Variants in PCDH10 observed in about 807,000 individuals in gnomAD.
PCDH10 encodes the protein protocadherin 10.
PCDH10 carries 15 observed loss-of-function variants against 74.4 expected under a neutral mutation model. The ratio of observed to expected loss-of-function variants is 0.20; its 90% confidence interval spans 0.13 to 0.31. The LOEUF (loss-of-function observed/expected upper bound fraction) is 0.31, where lower values mean the gene tolerates loss of function less well. PCDH10 is among the 10% of genes least tolerant of loss of function. PCDH10 has a pLI of 1.00. For missense variants in PCDH10, 1,260 were observed against 1,390.2 expected, an observed-to-expected ratio of 0.91 and a Z score of 1.49; for synonymous variants, 619 against 589.8, an observed-to-expected ratio of 1.05 and a Z score of -0.72.
chr4:133,171,148 TCC>T (rs1362667829), intron 4 of PCDH10, among the ~76,000 whole-genome samples: 1 of 152,104 alleles, frequency 6.6e-6, no homozygotes, highest in Non-Finnish European at 1.5e-5. Context: ...TAGGACGTTT[TCC>T]CCACCTTAAG....
At chr4:133,180,296 T>G (rs2125869913) in intron 4 of PCDH10, among the ~76,000 whole-genome samples, 1 of 152,218 alleles carries the variant, frequency 6.6e-6, no homozygotes, top group South Asian at 2.1e-4. Flanking sequence ...ATATGTATAA[T>G]ATTTATGAAC....
At chr4:133,169,040 T>C (rs1727146198) in intron 4 of PCDH10, among the ~76,000 whole-genome samples, 1 of 151,704 alleles carries the variant, frequency 6.6e-6, no homozygotes, top group Admixed American at 6.6e-5. Context: ...AAATTTCTTT[T>C]GATTTGTTCT....
chr4:133,157,624 G>A (rs536002481), intron 3 of PCDH10, among the ~76,000 whole-genome samples: 51 of 152,204 alleles, frequency 3.4e-4, no homozygotes, highest in African/African-American at 8.7e-4. Context: ...TAGAGACTCC[G>A]AATTCTCTCT....
chr4:133,175,922 A>G (rs1310815028), intron 4 of PCDH10, among the ~76,000 whole-genome samples: 6 of 152,158 alleles, frequency 3.9e-5, no homozygotes, highest in Non-Finnish European at 1.5e-5. Flanking sequence ...CCTTAGGCAT[A>G]TTGGATTACT....
chr4:133,150,041 T>C lies in PCDH10; in HGVS notation c.-100T>C, dbSNP rs1162621774. 7.0e-7 allele frequency: 1 copy of C among 1,437,486 alleles called. No homozygotes were observed. Among genetic ancestry groups the C allele is most frequent in the African/African-American group, 1.4e-5 (1 of 70,072 alleles). 89.0% of individuals were successfully genotyped at this position (1,437,486 alleles called of 1,614,324 possible). ...CACAGGAGCCCCCACGTAGCGCACT[T>C]TTATTTGTATTTTTTCAGATTTTTT... On this transcript the variant is annotated 5_prime_UTR_variant, in exon 1 of 5. Coordinates refer to ENST00000264360, the MANE Select transcript of PCDH10 (RefSeq NM_032961.3).
intron 3 of PCDH10, among the ~76,000 whole-genome samples, chr4:133,160,288 A>C (rs1726940956): frequency 6.6e-6 from 1 of 151,956 alleles, no homozygotes; most frequent in South Asian, 2.1e-4. Context: ...TATTATTACT[A>C]AAGGACTTCC....
chr4:133,163,050 T>A lies in PCDH10; in HGVS notation c.2871T>A (p.Ser957=), dbSNP rs937490253. ...ACTCAGATCGGTGCTGGATGCCTTC[T>A]TTTGTCCCTTCTGATGGACGCCAGG... ...LGHSDRCWMP[S]FVPSDGRQAA... is the part of the protein sequence containing the mutation. The change falls in exon 4 of 5, where the codon TCT becomes TCA. Residue 957 remains serine, a synonymous_variant. Coordinates refer to ENST00000264360, the MANE Select transcript of PCDH10 (RefSeq NM_032961.3). 6.2e-7 allele frequency: 1 copy of A among 1,614,088 alleles called. No individual in the cohort carries two copies. The highest frequency in any genetic ancestry group is 1.7e-5 in the Admixed American group (1 of 60,010).
rs1727655844 is a variant in PCDH10, at chr4:133,191,050, CTA to C, written c.*892_*893del. The C allele has an allele frequency of 6.6e-6, 1 of 152,400 alleles. No individual in the cohort carries two copies. Among genetic ancestry groups the C allele is most frequent in the African/African-American group, 2.4e-5 (1 of 41,528 alleles). 9.4% of individuals were successfully genotyped at this position (152,400 alleles called of 1,614,324 possible). ...TTGATGTTATCAGACAGAGCACTGA[CTA>C]TGTACTATCAAACTATCTAACAATC... On this transcript the variant is annotated 3_prime_UTR_variant, in exon 5 of 5. Coordinates refer to ENST00000264360, the MANE Select transcript of PCDH10 (RefSeq NM_032961.3).
rs765655586 is a variant in PCDH10, at chr4:133,150,423, C to A, written c.283C>A (p.Leu95Met). The change falls in exon 1 of 5, where the codon CTG becomes ATG. Residue 95 changes from leucine to methionine, a missense_variant. Coordinates refer to ENST00000264360, the MANE Select transcript of PCDH10 (RefSeq NM_032961.3). ...ACAGAGCCCCTCCTGTGTCCTGCAC[C>A]TGGAGGTCTTTCTGGAGAACCCCCT... ...CKQSPSCVLH[L>M]EVFLENPLEL... 4.3e-6 allele frequency: 7 copies of A among 1,614,042 alleles called. No homozygotes were observed. Among genetic ancestry groups the A allele is most frequent in the Non-Finnish European group, 5.1e-6 (6 of 1,179,996 alleles).
chr4:133,163,980 A>G, intron 4 of PCDH10: 3 of 453,452 alleles, frequency 6.6e-6, no homozygotes, highest in South Asian at 4.7e-5. Flanking sequence ...TAACCTGGAC[A>G]TAGATAAAGC....
chr4:133,184,743 T>TAA (rs1179252914), intron 4 of PCDH10, among the ~76,000 whole-genome samples: 3 of 140,582 alleles, frequency 2.1e-5, no homozygotes, highest in African/African-American at 7.9e-5. Context: ...ATATTATATA[T>TAA]AATCTTGTGT....
At chr4:133,184,513 C>A (rs936052524) in intron 4 of PCDH10, among the ~76,000 whole-genome samples, 4 of 151,536 alleles carry the variant, frequency 2.6e-5, no homozygotes, top group Non-Finnish European at 5.9e-5. Context: ...ATCCCAGCTA[C>A]TTGGTAGTCT....
chr4:133,155,814 A>G (rs187593920), intron 3 of PCDH10, among the ~76,000 whole-genome samples: 203 of 152,302 alleles, frequency 1.3e-3, no homozygotes, highest in African/African-American at 4.5e-3. Context: ...TACTAATACT[A>G]AAAGGAAACT....
In PCDH10 at chr4:133,193,532, C is replaced by T. The variant is rs1006347299; in HGVS notation, c.*3372C>T. The T allele has an allele frequency of 1.5e-4, 23 of 151,604 alleles. No homozygotes were observed. The highest frequency in any genetic ancestry group is 4.3e-4 in the African/African-American group (18 of 41,386). 9.4% of individuals were successfully genotyped at this position (151,604 alleles called of 1,614,324 possible). The stretch of plus-strand genomic sequence containing the variant: ...CCCAATATAATCTTTAACAACTGTA[C>T]GTTAATTGTACCATTTTACCTTCTA... On this transcript the variant is annotated 3_prime_UTR_variant, in exon 5 of 5. Coordinates refer to ENST00000264360, the MANE Select transcript of PCDH10 (RefSeq NM_032961.3).
intron 3 of PCDH10, among the ~76,000 whole-genome samples, chr4:133,156,497 G>A (rs994899157): frequency 2.2e-4 from 34 of 152,302 alleles, no homozygotes; most frequent in Admixed American, 1.1e-3. Context: ...TTATATGTGC[G>A]TACAAAGTCC....
intron 4 of PCDH10, among the ~76,000 whole-genome samples, chr4:133,181,369 C>T (rs7673315): frequency 3.3e-5 from 5 of 151,820 alleles, no homozygotes; most frequent in African/African-American, 9.7e-5. Context: ...TATACAAACT[C>T]GTCCTATACT....
chr4:133,207,322 AGTATCAG>A (rs1312251740), intron 2 of PCDH10, among the ~76,000 whole-genome samples: 13 of 152,316 alleles, frequency 8.5e-5, no homozygotes, highest in African/African-American at 2.9e-4. Flanking sequence ...GTGTCCAAAT[AGTATCAG>A]GCAACTAGCA....
rs575671491 is a variant in PCDH10 at position 133,180,509 on chromosome 4, A to T, written c.3104-9632A>T. Among the ~76,000 whole-genome samples the T allele has an allele frequency of 2.6e-5, 4 of 152,042 alleles. No individual in the cohort carries two copies. In the South Asian group the frequency reaches 8.3e-4, roughly 32 times the overall value. ...TGCTATTTTTTTAATATCATGTTGA[A>T]GGATTTTGCTTTCTTTACGAGAACA... On this transcript the variant is annotated intron_variant, in intron 4 of 4. Coordinates refer to ENST00000264360, the MANE Select transcript of PCDH10 (RefSeq NM_032961.3).
At chr4:133,167,810 CATT>C (rs1237407196) in intron 4 of PCDH10, among the ~76,000 whole-genome samples, 2 of 150,990 alleles carry the variant, frequency 1.3e-5, no homozygotes, top group Non-Finnish European at 1.5e-5. Flanking sequence ...ATATACTAGT[CATT>C]ATATTTTTTT....
Sources: allele counts gnomAD v4.1 joint callset (sites outside exome capture counted in the v4.1 genomes callset), GRCh38; gene constraint gnomAD v4.1.1; transcripts MANE v1.5; gene names NCBI Gene and HGNC (gene_info 2026-07-23, HGNC 2026-07-21).